Variants in CYP24A1 observed in about 807,000 individuals in gnomAD.
CYP24A1 encodes 1,25-dihydroxyvitamin D(3) 24-hydroxylase, mitochondrial.
In CYP24A1, 68 loss-of-function variants were observed where a neutral mutation model predicts 62.4. The observed-to-expected ratio is 1.09, with a 90% CI of 0.90 to 1.33. The LOEUF is 1.33. Among genes scored for constraint, CYP24A1 ranks in the 40% most tolerant of loss-of-function variants. CYP24A1 has a pLI of 0.00. For synonymous variants in CYP24A1, 267 were observed against 253.0 expected, an observed-to-expected ratio of 1.06 and a Z score of -0.52; for missense variants, 787 against 653.0, an observed-to-expected ratio of 1.21 and a Z score of -2.24.
At chr20:54,158,284 A>G in intron 8 of CYP24A1, 120 bp from the exon 9 acceptor site, 1 of 1,536,244 alleles carries the variant, frequency 6.5e-7, no homozygotes, top group Non-Finnish European at 8.8e-7. Flanking sequence ...AAGAGGCAGC[A>G]TGATCACAGA....
chr20:54,172,815 C>G (rs947352997), intron 2 of CYP24A1, 94 bp downstream of exon 2: 1 of 1,597,964 alleles, frequency 6.3e-7, no homozygotes, highest in Non-Finnish European at 8.5e-7. Context: ...GCTTCCAACC[C>G]CAGGGAACTC....
chr20:54,160,946 T>C (rs2092648141), intron 7 of CYP24A1, among the ~76,000 whole-genome samples: 1 of 152,222 alleles, frequency 6.6e-6, no homozygotes, highest in African/African-American at 2.4e-5. Flanking sequence ...CCAAGCTCAT[T>C]GACTGGCCTG....
rs2296237 is a variant in CYP24A1, at chr20:54,158,753, G to A, written c.1157+204C>T. Reference sequence around the variant, plus strand: ...TATTGAATTAAAGGGGAGGGCACTGGCTTTCCAAGATTTAATAGAATTTGC... The same window carrying A: ...TATTGAATTAAAGGGGAGGGCACTGACTTTCCAAGATTTAATAGAATTTGC... On this transcript the variant is annotated intron_variant, in intron 8 of 11. Coordinates refer to ENST00000216862, the MANE Select transcript of CYP24A1 (RefSeq NM_000782.5). 0.29 allele frequency among the ~76,000 whole-genome samples: 44,226 copies of A among 152,024 alleles called. 7,362 individuals are homozygous for A. Among genetic ancestry groups the A allele is most frequent in the East Asian group, 0.61 (3,138 of 5,172 alleles).
At chr20:54,167,349 ATTAG>A (rs1260689760) in intron 4 of CYP24A1, among the ~76,000 whole-genome samples, 1 of 152,218 alleles carries the variant, frequency 6.6e-6, no homozygotes, top group Non-Finnish European at 1.5e-5. Flanking sequence ...TTTAAAAATA[ATTAG>A]TTACTCTGCT....
At chr20:54,162,220 C>CTTTTGTTTTT (rs1568968780) in intron 7 of CYP24A1, among the ~76,000 whole-genome samples, 3 of 72,532 alleles carry the variant, frequency 4.1e-5, no homozygotes, top group African/African-American at 6.3e-5. Flanking sequence ...GAGAGTATGC[C>CTTTTGTTTTT]TTTTTTTTTT....
At position 54,171,633 on chromosome 20, in the gene CYP24A1, G is replaced by C. The variant is rs919521754; in HGVS notation, c.487C>G (p.Gln163Glu). The C allele has an allele frequency of 6.2e-7, 1 of 1,613,684 alleles. No individual in the cohort carries two copies. Among genetic ancestry groups the C allele is most frequent in the African/African-American group, 1.3e-5 (1 of 74,846 alleles). The change falls in exon 3 of 12, where the codon CAA (glutamine) becomes GAA (glutamate). Residue 163 changes from glutamine (Q) to glutamate (E), a missense_variant. Gln to Glu is a conservative substitution (Grantham distance 29, BLOSUM62 2). Transcript: ENST00000216862. Reference protein sequence around the residue: ...EDWQRVRSAFQKKLMKPGEVM... With the variant: ...EDWQRVRSAFEKKLMKPGEVM... ...TCCCCTGGTTTCATTAGTTTCTTTTGAAAGGCACTCCGGACCCGCTGCCAG... is the reference window on the plus strand; with the variant it reads ...TCCCCTGGTTTCATTAGTTTCTTTTCAAAGGCACTCCGGACCCGCTGCCAG...
chr20:54,157,686 C>G, intron 9 of CYP24A1, 101 bp from the exon 10 acceptor site: 2 of 812,238 alleles, frequency 2.5e-6, no homozygotes, highest in Admixed American at 3.5e-5. Flanking sequence ...AAAGCCAAAT[C>G]CACAAATTTA....
At chr20:54,159,242 C>A in intron 7 of CYP24A1, 119 bp from the exon 8 acceptor site, 2 of 793,968 alleles carry the variant, frequency 2.5e-6, no homozygotes, top group South Asian at 2.8e-5. Context: ...GAAGCTCTTT[C>A]ACGCGTCCTT....
chr20:54,144,384 C>T, the CYP24A1 span, among the ~76,000 whole-genome samples: 31 of 151,468 alleles, frequency 2.0e-4, no homozygotes, highest in African/African-American at 6.3e-4. Flanking sequence ...CTAGTAGTTG[C>T]GACCACAGGT....
the CYP24A1 span, among the ~76,000 whole-genome samples, chr20:54,146,399 C>A: frequency 6.6e-6 from 1 of 152,128 alleles, no homozygotes; most frequent in African/African-American, 2.4e-5. Context: ...TGCCACCAAT[C>A]AATTGGTGTT....
chr20:54,169,768 T>C, intron 3 of CYP24A1, 80 bp from the exon 4 acceptor site: 1 of 1,597,328 alleles, frequency 6.3e-7, no homozygotes, highest in Non-Finnish European at 8.5e-7. Context: ...TGAGCTAACT[T>C]CAGGTCTTGC....
chr20:54,168,160 A>G (rs1196700477), intron 4 of CYP24A1, among the ~76,000 whole-genome samples: 1 of 152,164 alleles, frequency 6.6e-6, no homozygotes, highest in African/African-American at 2.4e-5. Flanking sequence ...ACCCCTGGCC[A>G]TGTCCGGCTT....
chr20:54,158,304 A>T, intron 8 of CYP24A1, 140 bp from the exon 9 acceptor site: 1 of 1,499,072 alleles, frequency 6.7e-7, no homozygotes, highest in South Asian at 1.3e-5. Context: ...ATCTTCCTAA[A>T]GAAGTTGTTT....
the CYP24A1 span, among the ~76,000 whole-genome samples, chr20:54,145,781 C>T: frequency 3.7e-3 from 563 of 152,288 alleles, 1 homozygote; most frequent in African/African-American, 0.013. Flanking sequence ...TCATCACCTT[C>T]GACATATTCT....
rs1320422224 is a variant in CYP24A1 at position 54,173,235 on chromosome 20, C to A, written c.258+87G>T. On this transcript the variant is annotated intron_variant, in intron 1 of 11. Coordinates refer to ENST00000216862, the MANE Select transcript of CYP24A1 (RefSeq NM_000782.5). This position sits in a 1 kb window ranked among gnomAD's most constrained non-coding sequence, Gnocchi z 7.2. ...CAGACGCCGAAGCGCACCATGCGCCCGAGGCGCGCATGTCGGGGAGGGTTT... is the reference window on the plus strand; with the variant it reads ...CAGACGCCGAAGCGCACCATGCGCCAGAGGCGCGCATGTCGGGGAGGGTTT... The A allele has an allele frequency of 4.6e-6, 7 of 1,518,370 alleles. No individual in the cohort carries two copies. Among genetic ancestry groups the A allele is most frequent in the South Asian group, 4.6e-5 (4 of 87,722 alleles). 94.1% of individuals were successfully genotyped at this position (1,518,370 alleles called of 1,614,324 possible). A position where few individuals can be genotyped will look rare whatever the true frequency, so the allele number is the denominator to read the frequency against.
rs201594722 is a variant in CYP24A1, at chr20:54,157,435, T to C, written c.1387A>G (p.Ile463Val). The change falls in exon 10 of 12, where the codon ATT (isoleucine) becomes GTT (valine). Residue 463 changes from isoleucine to valine, a missense_variant. Transcript: ENST00000216862. ...LPFGVGKRMC[I>V]GRRLAELQLH... ...TGAAGCTCTGCTAATCGGCGACCAA[T>C]GCACATTCTTTTTCCAACGCCAAAT... The C allele has an allele frequency of 4.0e-5, 65 of 1,607,606 alleles. No individual in the cohort carries two copies. Among genetic ancestry groups the C allele is most frequent in the Non-Finnish European group, 5.4e-5 (63 of 1,174,094 alleles).
chr20:54,167,911 A>T (rs1365090954), intron 4 of CYP24A1, among the ~76,000 whole-genome samples: 1 of 152,168 alleles, frequency 6.6e-6, no homozygotes, highest in Non-Finnish European at 1.5e-5. Flanking sequence ...ATCTGCCCAT[A>T]TATCACACTG....
intron 3 of CYP24A1, among the ~76,000 whole-genome samples, chr20:54,170,201 T>C (rs112383720): frequency 0.015 from 2,299 of 152,354 alleles, 24 homozygotes; most frequent in Middle Eastern, 0.034. Flanking sequence ...CTAAGTAGTC[T>C]ATGACCTTGG....
chr20:54,165,474 T>C (rs1407082417), intron 5 of CYP24A1, among the ~76,000 whole-genome samples: 3 of 152,226 alleles, frequency 2.0e-5, no homozygotes, highest in African/African-American at 4.8e-5. Flanking sequence ...TGCACTTAAA[T>C]GATCCTCCCT....
Sources: gnomAD v4.1 joint callset for allele counts (sites outside exome capture counted in the v4.1 genomes callset) on GRCh38, gnomAD v4.1.1 for gene constraint, Gnocchi (gnomAD v3.1) non-coding constraint, MANE v1.5 for transcripts, NCBI Gene and HGNC (gene_info 2026-07-23, HGNC 2026-07-21) for gene names.